RIC1: variants seen among roughly 807,000 people sequenced by gnomAD.
RIC1 encodes the protein guanine nucleotide exchange factor subunit RIC1.
Under a neutral mutation model 169.0 loss-of-function variants are expected in RIC1, and 88 were observed. The ratio of observed to expected loss-of-function variants is 0.52; its 90% CI spans 0.44 to 0.62. The LOEUF (loss-of-function observed/expected upper bound fraction) is 0.62. Ranked by LOEUF, RIC1 falls within the 20% of genes least tolerant of loss-of-function variation. The probability of loss-of-function intolerance (pLI) is 0.00; values close to 1 mark genes in which losing one functional copy is unlikely to be tolerated. For missense variants in RIC1, 1,877 were observed against 1,725.5 expected (o/e 1.09, Z -1.56); for synonymous variants, 790 against 601.5 (o/e 1.31, Z -4.59).
At chr9:5,690,143 C>A (rs537360768) in intron 3 of RIC1, 105 bp downstream of exon 3, 2 of 616,106 alleles carry the variant, frequency 3.2e-6, no homozygotes, top group Admixed American at 7.0e-5. Flanking sequence ...TAAAACTAAA[C>A]CAGCATTTCC....
intron 2 of RIC1, among the ~76,000 whole-genome samples, chr9:5,678,602 T>A (rs1227010616): frequency 6.6e-6 from 1 of 152,182 alleles, no homozygotes; most frequent in African/African-American, 2.4e-5. Flanking sequence ...TGGCCAGTGA[T>A]GATGAGCATT....
chr9:5,778,295 G>C (rs143181047), downstream of RIC1, among the ~76,000 whole-genome samples: 569 of 152,148 alleles, frequency 3.7e-3, 1 homozygote, highest in Non-Finnish European at 6.2e-3. Flanking sequence ...CTTTTTTGTG[G>C]ATTCCTTAGG....
intron 22 of RIC1, chr9:5,769,477 T>A: frequency 6.2e-6 from 9 of 1,440,336 alleles, no homozygotes; most frequent in Non-Finnish European, 8.2e-6. Context: ...TGAAGTCTAA[T>A]TCAAAAATCT....
chr9:5,647,041 C>G (rs976432647), intron 1 of RIC1, among the ~76,000 whole-genome samples: 1 of 152,046 alleles, frequency 6.6e-6, no homozygotes, highest in Non-Finnish European at 1.5e-5. Flanking sequence ...TCCAGTTTTC[C>G]CAGCACTGTT....
At chr9:5,678,673 T>G (rs1396145095) in intron 2 of RIC1, among the ~76,000 whole-genome samples, 1 of 152,250 alleles carries the variant, frequency 6.6e-6, no homozygotes, top group African/African-American at 2.4e-5. Context: ...TTTGTATCTT[T>G]CGCCCACTTT....
intron 6 of RIC1, among the ~76,000 whole-genome samples, chr9:5,726,196 T>C (rs551932659): frequency 6.6e-6 from 1 of 152,288 alleles, no homozygotes; most frequent in South Asian, 2.1e-4. Context: ...CTAAGTCTCT[T>C]TGTAGGTCTC....
intron 12 of RIC1, among the ~76,000 whole-genome samples, chr9:5,749,155 T>C (rs990025412): frequency 1.3e-5 from 2 of 152,194 alleles, no homozygotes; most frequent in South Asian, 2.1e-4. Context: ...GGCAGACTTA[T>C]CTTTATCATC....
At chr9:5,761,230 C>G (rs1826318289) in intron 17 of RIC1, among the ~76,000 whole-genome samples, 1 of 149,660 alleles carries the variant, frequency 6.7e-6, no homozygotes, top group African/African-American at 2.5e-5. Context: ...TCTCCTGCCT[C>G]AGCCTCCCAA....
chr9:5,671,507 C>G (rs1385563750), intron 2 of RIC1, among the ~76,000 whole-genome samples: 1 of 152,170 alleles, frequency 6.6e-6, no homozygotes, highest in Non-Finnish European at 1.5e-5. Context: ...AACTCCTGAC[C>G]TCAGGTGACC....
intron 19 of RIC1, among the ~76,000 whole-genome samples, chr9:5,764,862 T>TA (rs1826595155): frequency 6.6e-6 from 1 of 152,230 alleles, no homozygotes; most frequent in South Asian, 2.1e-4. Context: ...TAATTACAAT[T>TA]ACAGTTGTCT....
chr9:5,670,414 G>C (rs1004526437), intron 2 of RIC1, among the ~76,000 whole-genome samples: 1 of 152,132 alleles, frequency 6.6e-6, no homozygotes, highest in Non-Finnish European at 1.5e-5. Context: ...ATCAGTCTAG[G>C]CCTTATTGAT....
intron 6 of RIC1, among the ~76,000 whole-genome samples, chr9:5,723,563 T>G (rs1203005806): frequency 6.6e-6 from 1 of 152,242 alleles, no homozygotes; most frequent in African/African-American, 2.4e-5. Flanking sequence ...TTTAGTTGAA[T>G]TAGATCCCAT....
rs528790282 is a variant in RIC1, at chr9:5,755,012, G to T, written c.1692+82G>T. On this transcript the variant is annotated intron_variant, in intron 15 of 25. Transcript: ENST00000414202. ...AATTAATTTTATATAGAAAATAGTC[G>T]ATTGAAAACTGAACAAAACATTTTA... 6.0e-6 allele frequency: 5 copies of T among 833,232 alleles called. No individual in the cohort carries two copies. The Admixed American group carries it at 1.0e-4, about 17-fold the overall frequency. 51.6% of individuals were successfully genotyped at this position (833,232 alleles called of 1,614,324 possible).
intron 7 of RIC1, among the ~76,000 whole-genome samples, chr9:5,733,927 T>C (rs760833857): frequency 1.8e-4 from 27 of 151,242 alleles, no homozygotes; most frequent in Non-Finnish European, 2.7e-4. Flanking sequence ...GAATGTTTGG[T>C]AGAATTTGCC....
chr9:5,750,677 G>C (rs1335356774), intron 12 of RIC1, among the ~76,000 whole-genome samples: 1 of 151,802 alleles, frequency 6.6e-6, no homozygotes, highest in Non-Finnish European at 1.5e-5. Context: ...AACATTCTAA[G>C]ATAAGGGTAG....
intron 8 of RIC1, among the ~76,000 whole-genome samples, chr9:5,741,920 G>C (rs1825107134): frequency 6.6e-6 from 1 of 152,180 alleles, no homozygotes; most frequent in Admixed American, 6.6e-5. Flanking sequence ...TTTTTCCAGA[G>C]AGGATTTAAA....
At chr9:5,687,338 C>G in intron 2 of RIC1, among the ~76,000 whole-genome samples, 1 of 152,160 alleles carries the variant, frequency 6.6e-6, no homozygotes, top group East Asian at 1.9e-4. Flanking sequence ...GATTACCACT[C>G]TGATCTCTGT....
rs1826690508 is a variant in RIC1 at position 5,765,764 on chromosome 9, A to C, written c.3103A>C (p.Thr1035Pro). ...TGCCAGTAAATTCAGTTTACAGAAAACACTAAGTATGCCATCTGGTCCCTC... is the reference window on the plus strand; with the variant it reads ...TGCCAGTAAATTCAGTTTACAGAAACCACTAAGTATGCCATCTGGTCCCTC... ...VPASKFSLQK[T>P]LSMPSGPSGK... Residue 1035 changes from threonine to proline, a missense_variant, in exon 21 of 26, where the codon ACA (threonine) becomes CCA (proline). Thr to Pro is a conservative substitution (Grantham distance 38, BLOSUM62 -1). This residue lies in a region of RIC1 where 681 missense variants were observed against 582.0 expected (regional missense o/e 1.17). Transcript: ENST00000414202. The C allele has an allele frequency of 6.2e-7, 1 of 1,614,046 alleles. No homozygotes were observed. The highest frequency in any genetic ancestry group is 1.3e-5 in the African/African-American group (1 of 74,926).
At chr9:5,739,691 G>C (rs1824947281) in intron 8 of RIC1, among the ~76,000 whole-genome samples, 1 of 152,162 alleles carries the variant, frequency 6.6e-6, no homozygotes, top group Admixed American at 6.5e-5. Flanking sequence ...CTCAGACAAA[G>C]GTGGAAGGGC....
Sources: gnomAD v4.1 joint callset for allele counts (sites outside exome capture counted in the v4.1 genomes callset) on GRCh38, gnomAD v4.1.1 for gene constraint, gnomAD v4.1.1 regional missense constraint, MANE v1.5 for transcripts, NCBI Gene and HGNC (gene_info 2026-07-23, HGNC 2026-07-21) for gene names.